MXRA7: variants seen among roughly 807,000 people sequenced by gnomAD.
MXRA7 encodes matrix-remodeling-associated protein 7.
Under a neutral mutation model 17.4 loss-of-function variants are expected in MXRA7, and 18 were observed. The observed-to-expected ratio is 1.03, with a 90% CI of 0.71 to 1.53. MXRA7 has a LOEUF of 1.53. Ranked by LOEUF, MXRA7 falls within the 40% of genes most tolerant of loss-of-function variation. MXRA7 has a pLI of 0.00. For synonymous variants in MXRA7, 70 were observed against 101.7 expected (o/e 0.69, Z 1.87); for missense variants, 141 against 209.3 (o/e 0.67, Z 2.01).
chr17:76,697,204 G>A (rs1375732254), intron 1 of MXRA7, among the ~76,000 whole-genome samples: 1 of 152,164 alleles, frequency 6.6e-6, no homozygotes, highest in African/African-American at 2.4e-5. Context: ...CTTATAAGAG[G>A]AAACTCGGAC....
intron 1 of MXRA7, among the ~76,000 whole-genome samples, chr17:76,706,626 G>A (rs980934921): frequency 3.3e-5 from 5 of 152,234 alleles, no homozygotes; most frequent in Non-Finnish European, 7.3e-5. Flanking sequence ...GAGGGCAGAG[G>A]ACACAGGTGG....
At chr17:76,699,618 G>C (rs28615790) in intron 1 of MXRA7, among the ~76,000 whole-genome samples, 2 of 151,910 alleles carry the variant, frequency 1.3e-5, no homozygotes, top group Non-Finnish European at 2.9e-5. Context: ...CTCTCTCCTC[G>C]ATGGCTAAGA....
chr17:76,680,815 T>G lies in MXRA7; in HGVS notation c.*52A>C, dbSNP rs1280808202. 6.3e-7 allele frequency: 1 copy of G among 1,596,790 alleles called. No homozygotes were observed. The highest frequency in any genetic ancestry group is 2.2e-5 in the East Asian group (1 of 44,474). On this transcript the variant is annotated 3_prime_UTR_variant, in exon 4 of 4. Coordinates refer to ENST00000449428, the MANE Select transcript of MXRA7 (RefSeq NM_198530.4). ...GGGGTTTCCGTTTTATCTCTCAAGC[T>G]TTTAAGATGCCAAAAGGAAAAGCCT...
chr17:76,700,261 C>T (rs1006685675), intron 1 of MXRA7, among the ~76,000 whole-genome samples: 5 of 152,138 alleles, frequency 3.3e-5, no homozygotes, highest in African/African-American at 1.2e-4. Context: ...CGTGAGCCAC[C>T]GGACACAGCC....
At chr17:76,675,488 G>C (rs573707775), downstream of MXRA7, 1 of 142,248 alleles carries the variant, frequency 7.0e-6, no homozygotes, top group African/African-American at 2.6e-5. Context: ...TCCGCCTTCT[G>C]AGTTCAAGCG....
chr17:76,707,033 C>T (rs1317834236), intron 1 of MXRA7, among the ~76,000 whole-genome samples: 3 of 152,164 alleles, frequency 2.0e-5, no homozygotes, highest in African/African-American at 7.2e-5. Context: ...ATTGTTTACA[C>T]AGCCATCTGC....
intron 1 of MXRA7, chr17:76,689,909 G>A (rs2076459537): frequency 1.3e-5 from 2 of 151,896 alleles, no homozygotes; most frequent in Non-Finnish European, 2.9e-5. Context: ...TACTCAGGAG[G>A]TTGAGGCAGG....
intron 1 of MXRA7, among the ~76,000 whole-genome samples, chr17:76,698,687 T>C (rs2076559967): frequency 6.6e-6 from 1 of 151,146 alleles, no homozygotes; most frequent in African/African-American, 2.4e-5. Context: ...GGAATGTTGA[T>C]TCCAACCTGA....
chr17:76,698,681 T>G (rs1452733404), intron 1 of MXRA7, among the ~76,000 whole-genome samples: 1 of 150,394 alleles, frequency 6.6e-6, no homozygotes, highest in Admixed American at 6.7e-5. Flanking sequence ...GGCCTGGGAA[T>G]GTTGATTCCA....
At chr17:76,678,034 G>A (rs895219115), downstream of MXRA7, among the ~76,000 whole-genome samples, 4 of 152,172 alleles carry the variant, frequency 2.6e-5, no homozygotes, top group African/African-American at 9.7e-5. Flanking sequence ...CCACAGTGAT[G>A]TAATGAGGAA....
At chr17:76,692,908 G>T (rs2076492581) in intron 1 of MXRA7, among the ~76,000 whole-genome samples, 1 of 152,092 alleles carries the variant, frequency 6.6e-6, no homozygotes, top group Non-Finnish European at 1.5e-5. Context: ...AGGTTCCAAA[G>T]AACTGGATTT....
intron 1 of MXRA7, among the ~76,000 whole-genome samples, chr17:76,691,675 C>T (rs1445613450): frequency 6.6e-6 from 1 of 152,082 alleles, no homozygotes; most frequent in Non-Finnish European, 1.5e-5. Flanking sequence ...TATTTGGTAT[C>T]AGAAGTGAAG....
At chr17:76,703,860 G>C (rs925102788) in intron 1 of MXRA7, 1 of 151,896 alleles carries the variant, frequency 6.6e-6, no homozygotes, top group Non-Finnish European at 1.5e-5. Context: ...AACAACTTCC[G>C]TGAGTCCTGC....
chr17:76,705,354 C>T (rs1472962145), intron 1 of MXRA7, among the ~76,000 whole-genome samples: 3 of 152,214 alleles, frequency 2.0e-5, no homozygotes, highest in Admixed American at 2.0e-4. Context: ...AAGGCATCTT[C>T]TATTCAGTTG....
intron 3 of MXRA7, chr17:76,684,664 C>A: frequency 2.3e-6 from 1 of 443,566 alleles, no homozygotes. Flanking sequence ...ACCAAGAATC[C>A]GCTGTGTCCC....
chr17:76,683,145 G>T (rs1009081291), intron 3 of MXRA7, among the ~76,000 whole-genome samples: 1 of 152,182 alleles, frequency 6.6e-6, no homozygotes, highest in Non-Finnish European at 1.5e-5. Context: ...ACCTTCAAGG[G>T]CTGGCAGTTG....
intron 3 of MXRA7, among the ~76,000 whole-genome samples, chr17:76,682,066 C>G (rs1290365863): frequency 2.0e-5 from 3 of 152,232 alleles, no homozygotes; most frequent in Non-Finnish European, 4.4e-5. Context: ...TTTCTGGCCC[C>G]AGGCGGAAGG....
chr17:76,676,560 C>G (rs140644040), downstream of MXRA7: 1 of 151,838 alleles, frequency 6.6e-6, no homozygotes. Flanking sequence ...GTCAGGAGTT[C>G]GAGACCAGCC....
At chr17:76,686,352 C>T (rs999376496) in intron 2 of MXRA7, among the ~76,000 whole-genome samples, 2 of 151,984 alleles carry the variant, frequency 1.3e-5, no homozygotes, top group African/African-American at 2.4e-5. Context: ...TGGTGGCAGG[C>T]GCCTGTAATC....
Sources: gnomAD v4.1 joint callset for allele counts (sites outside exome capture counted in the v4.1 genomes callset) on GRCh38, gnomAD v4.1.1 for gene constraint, MANE v1.5 for transcripts, NCBI Gene and HGNC (gene_info 2026-07-23, HGNC 2026-07-21) for gene names.